The following GRIK1 variants were observed in gnomAD, a reference collection of about 807,000 sequenced individuals.
GRIK1 encodes the protein glutamate ionotropic receptor kainate type subunit 1, also known as glutamate receptor ionotropic, kainate 1.
Under a neutral mutation model 105.7 loss-of-function variants are expected in GRIK1, and 69 were observed. The ratio of observed to expected loss-of-function variants is 0.65; its 90% CI spans 0.54 to 0.80. The LOEUF is 0.80. GRIK1 is among the 30% of genes least tolerant of loss of function. The pLI is 0.00. For missense variants in GRIK1, 1,109 were observed against 1,167.3 expected (o/e 0.95, Z 0.73); for synonymous variants, 438 against 431.3 (o/e 1.02, Z -0.19).
At chr21:29,722,853 C>A (rs1340334221) in intron 1 of GRIK1, among the ~76,000 whole-genome samples, 1 of 152,102 alleles carries the variant, frequency 6.6e-6, no homozygotes, top group Non-Finnish European at 1.5e-5. Context: ...ATTTAAGAAA[C>A]TAAAATCAAG....
chr21:29,681,207 T>C (rs981773703), intron 3 of GRIK1, among the ~76,000 whole-genome samples: 6 of 152,352 alleles, frequency 3.9e-5, no homozygotes, highest in Non-Finnish European at 5.9e-5. Flanking sequence ...AGGCATCCAC[T>C]GGAGGTCTTG....
At chr21:29,925,984 C>T (rs1436977984) in intron 1 of GRIK1, among the ~76,000 whole-genome samples, 1 of 151,990 alleles carries the variant, frequency 6.6e-6, no homozygotes, top group Non-Finnish European at 1.5e-5. Context: ...AAGCTATATA[C>T]CACTCGTTTG....
intron 1 of GRIK1, among the ~76,000 whole-genome samples, chr21:29,748,485 T>C (rs2065100657): frequency 6.6e-6 from 1 of 152,222 alleles, no homozygotes; most frequent in Non-Finnish European, 1.5e-5. Flanking sequence ...ATAACCCAAA[T>C]GCATGGCTCC....
chr21:29,642,927 T>C lies in GRIK1; in HGVS notation c.997A>G (p.Ile333Val), dbSNP rs781401023. ...AGCTGGGATGCCCGGTGCGAGGCAATGGCCACCATGTACACAGCATCGTAC... is the reference window on the plus strand; with the variant it reads ...AGCTGGGATGCCCGGTGCGAGGCAACGGCCACCATGTACACAGCATCGTAC... ...LMYDAVYMVAIASHRASQLTV... is the reference protein window; with the variant it reads ...LMYDAVYMVAVASHRASQLTV... The change falls in exon 7 of 18, where the codon ATT (isoleucine) becomes GTT (valine). Residue 333 changes from isoleucine to valine, a missense_variant. By Grantham distance (29) the Ile-to-Val change is conservative (BLOSUM62 3). Coordinates refer to ENST00000327783, the MANE Select transcript of GRIK1 (RefSeq NM_001330994.2). 1 of 1,614,016 alleles carries C rather than the reference T, an allele frequency of 6.2e-7. No homozygotes were observed. The highest frequency in any genetic ancestry group is 1.1e-5 in the South Asian group (1 of 91,080).
At chr21:29,939,156 T>C (rs957579392) in intron 1 of GRIK1, among the ~76,000 whole-genome samples, 1 of 152,032 alleles carries the variant, frequency 6.6e-6, no homozygotes, top group African/African-American at 2.4e-5. Flanking sequence ...GGAGCCCAGA[T>C]TGAAAAACCC....
At chr21:29,588,400 G>T (rs190401947) in intron 11 of GRIK1, among the ~76,000 whole-genome samples, 1 of 152,264 alleles carries the variant, frequency 6.6e-6, no homozygotes, top group African/African-American at 2.4e-5. Flanking sequence ...GGATCATGGG[G>T]TATTGGGATC....
At chr21:29,816,754 C>A (rs1300907062) in intron 1 of GRIK1, among the ~76,000 whole-genome samples, 1 of 151,820 alleles carries the variant, frequency 6.6e-6, no homozygotes, top group African/African-American at 2.4e-5. Context: ...ATCCCATAGA[C>A]AAAGAGAGTA....
chr21:29,674,025 C>A (rs2063211683), intron 3 of GRIK1, among the ~76,000 whole-genome samples: 1 of 151,670 alleles, frequency 6.6e-6, no homozygotes, highest in African/African-American at 2.4e-5. Context: ...TGCACCTTGG[C>A]TCTCACTCAA....
chr21:29,804,842 G>C (rs117511522), intron 1 of GRIK1, among the ~76,000 whole-genome samples: 1 of 152,122 alleles, frequency 6.6e-6, no homozygotes, highest in Non-Finnish European at 1.5e-5. Flanking sequence ...AACTTGTATA[G>C]TATTTACCAT....
intron 1 of GRIK1, among the ~76,000 whole-genome samples, chr21:29,716,784 AG>A (rs1433697508): frequency 2.6e-5 from 4 of 152,230 alleles, no homozygotes; most frequent in Non-Finnish European, 2.9e-5. Flanking sequence ...CATTTTCTGG[AG>A]AGAAATTCAA....
At chr21:29,657,273 T>G (rs1286665167) in intron 4 of GRIK1, 1 of 152,246 alleles carries the variant, frequency 6.6e-6, no homozygotes, top group Non-Finnish European at 1.5e-5. Context: ...AGCTTTTCAC[T>G]TGGGTAAAAT....
intron 14 of GRIK1, among the ~76,000 whole-genome samples, chr21:29,568,292 A>G (rs2090658416): frequency 1.3e-5 from 2 of 152,246 alleles, no homozygotes; most frequent in African/African-American, 2.4e-5. Context: ...TATGCAGAGT[A>G]TTTGAGAAAT....
chr21:29,581,218 G>T (rs184423069), intron 13 of GRIK1, among the ~76,000 whole-genome samples: 30 of 152,260 alleles, frequency 2.0e-4, no homozygotes, highest in Admixed American at 3.3e-4. Flanking sequence ...TGATAGAAGT[G>T]CTATTTTAGA....
At chr21:29,843,847 T>G (rs1489906361) in intron 1 of GRIK1, among the ~76,000 whole-genome samples, 1 of 152,192 alleles carries the variant, frequency 6.6e-6, no homozygotes, top group East Asian at 1.9e-4. Context: ...ATGATTTAAA[T>G]TTACACACTC....
chr21:29,560,174 T>TAGACAGTC (rs991979529), intron 15 of GRIK1, among the ~76,000 whole-genome samples: 1 of 152,186 alleles, frequency 6.6e-6, no homozygotes, highest in African/African-American at 2.4e-5. Flanking sequence ...CCCAGTAGTC[T>TAGACAGTC]AGACAGTCCC....
chr21:29,620,775 A>ATC (rs1568897131), intron 7 of GRIK1, among the ~76,000 whole-genome samples: 3 of 118,618 alleles, frequency 2.5e-5, no homozygotes, highest in African/African-American at 1.3e-4. Context: ...AAAGTCATAT[A>ATC]TATATAGATA....
At chr21:29,809,114 T>C (rs1482986192) in intron 1 of GRIK1, among the ~76,000 whole-genome samples, 1 of 152,106 alleles carries the variant, frequency 6.6e-6, no homozygotes, top group Non-Finnish European at 1.5e-5. Flanking sequence ...TCATGAAAAG[T>C]GGGAAGAAGC....
intron 1 of GRIK1, among the ~76,000 whole-genome samples, chr21:29,764,421 A>T (rs1055859181): frequency 6.6e-6 from 1 of 152,216 alleles, no homozygotes; most frequent in African/African-American, 2.4e-5. Flanking sequence ...AGAGTTAATT[A>T]GTGTTAGTTA....
chr21:29,763,443 A>T (rs1233829584), intron 1 of GRIK1: 1 of 152,434 alleles, frequency 6.6e-6, no homozygotes, highest in East Asian at 1.9e-4. Context: ...AAGAAGGCAT[A>T]AAGCCTTCAG....
Sources: gnomAD v4.1 joint callset for allele counts (sites outside exome capture counted in the v4.1 genomes callset) on GRCh38, gnomAD v4.1.1 for gene constraint, MANE v1.5 for transcripts, NCBI Gene and HGNC (gene_info 2026-07-23, HGNC 2026-07-21) for gene names.